The following MTMR3 variants were observed in gnomAD, a reference collection of about 807,000 sequenced individuals.
The protein encoded by MTMR3 is myotubularin related protein 3, also known as phosphatidylinositol-3,5-bisphosphate 3-phosphatase MTMR3.
In MTMR3, 32 loss-of-function variants were observed where a neutral mutation model predicts 132.4. The observed-to-expected ratio is 0.24, with a 90% confidence interval of 0.18 to 0.32. The LOEUF (loss-of-function observed/expected upper bound fraction) is 0.32, where lower values mean the gene tolerates loss of function less well. Ranked by LOEUF, MTMR3 falls within the 10% of genes least tolerant of loss-of-function variation. MTMR3 has a pLI of 1.00. For missense variants in MTMR3, 1,216 were observed against 1,489.6 expected (o/e 0.82, Z 3.02); for synonymous variants, 556 against 550.3 (o/e 1.01, Z -0.14).
chr22:29,899,168 C>G lies in MTMR3; in HGVS notation c.-138+15809C>G, dbSNP rs555061631. Among the ~76,000 whole-genome samples, 54 of 152,268 alleles carry G rather than the reference C, an allele frequency of 3.5e-4. 1 individual carries two copies. In the South Asian group the frequency reaches 0.011, roughly 30 times the overall value. On this transcript the variant is annotated intron_variant, in intron 1 of 19. Coordinates refer to ENST00000401950, the MANE Select transcript of MTMR3 (RefSeq NM_021090.4). The stretch of plus-strand genomic sequence containing the variant: ...TCCAACAAAGTTGTATACATGCATT[C>G]ATGGAGATGACACTTAGGCTATTTA...
intron 1 of MTMR3, among the ~76,000 whole-genome samples, chr22:29,925,558 T>TA (rs528978801): frequency 0.11 from 15,709 of 142,820 alleles, 1,122 homozygotes; most frequent in African/African-American, 0.21. Flanking sequence ...TTGTTTTCTT[T>TA]AAAAAAAAAA....
Position 30,018,067 on chromosome 22 carries a change from G to A in MTMR3, c.1815G>A (p.Leu605=). The A allele has an allele frequency of 1.2e-6, 2 of 1,606,388 alleles. No individual in the cohort carries two copies. Among genetic ancestry groups the A allele is most frequent in the Middle Eastern group, 1.7e-4 (1 of 6,006 alleles). The change falls in exon 16 of 20, where the codon CTG becomes CTA. Residue 605 remains leucine (L), a synonymous_variant. Coordinates refer to ENST00000401950, the MANE Select transcript of MTMR3 (RefSeq NM_021090.4). ...GCACCAGCCCTGATGATCCCCCCCT[G>A]AGCCGGTGAGCCCAGGGTGATGCCA... ...APGTSPDDPP[L]SRLPKTRSYD...
At chr22:29,910,235 G>A (rs545436101) in intron 1 of MTMR3, among the ~76,000 whole-genome samples, 2 of 152,026 alleles carry the variant, frequency 1.3e-5, no homozygotes, top group Admixed American at 6.6e-5. Flanking sequence ...GTAGGTCATC[G>A]TTTAAAATCT....
At chr22:29,906,751 C>G (rs944485388) in intron 1 of MTMR3, among the ~76,000 whole-genome samples, 3 of 152,178 alleles carry the variant, frequency 2.0e-5, no homozygotes, top group African/African-American at 7.2e-5. Flanking sequence ...TCTACTCCCC[C>G]TTTCCCCATT....
chr22:29,963,928 A>G (rs1445687226), intron 2 of MTMR3, among the ~76,000 whole-genome samples: 3 of 151,946 alleles, frequency 2.0e-5, no homozygotes, highest in East Asian at 3.9e-4. Context: ...TAAATCTGCT[A>G]TAAACATGTA....
intron 3 of MTMR3, among the ~76,000 whole-genome samples, chr22:29,972,135 TTGA>T (rs1406234238): frequency 6.6e-6 from 1 of 152,242 alleles, no homozygotes; most frequent in African/African-American, 2.4e-5. Flanking sequence ...TACCTAAACA[TTGA>T]TGAACTTTTC....
intron 1 of MTMR3, among the ~76,000 whole-genome samples, chr22:29,916,940 C>T (rs1472583402): frequency 6.6e-6 from 1 of 152,122 alleles, no homozygotes; most frequent in East Asian, 1.9e-4. Flanking sequence ...CTCACTGCCC[C>T]CTGTAACTGC....
chr22:29,957,147 G>A (rs1003284272), intron 2 of MTMR3, 59 bp downstream of exon 2: 10 of 147,720 alleles, frequency 6.8e-5, no homozygotes, highest in African/African-American at 2.5e-4. Context: ...TCTCTGTGCT[G>A]TTTCGAGGCA....
intron 6 of MTMR3, chr22:29,990,609 C>T (rs567223142): frequency 6.6e-6 from 1 of 152,266 alleles, no homozygotes; most frequent in South Asian, 2.1e-4. Flanking sequence ...GAGACAGAGC[C>T]TCACTCTGTT....
intron 17 of MTMR3, 103 bp from the exon 18 acceptor site, chr22:30,021,926 C>G (rs370588680): frequency 1.2e-6 from 1 of 858,426 alleles, no homozygotes; most frequent in Non-Finnish European, 1.9e-6. Flanking sequence ...TCCTAGCACT[C>G]GGCCCCACCC....
chr22:30,018,640 G>T (rs1449019786), intron 16 of MTMR3: 3 of 152,226 alleles, frequency 2.0e-5, no homozygotes, highest in African/African-American at 7.3e-5. Flanking sequence ...TACTTGGGAG[G>T]TTGAGGCAGG....
At chr22:29,891,428 G>A (rs1230659364) in intron 1 of MTMR3, among the ~76,000 whole-genome samples, 3 of 150,300 alleles carry the variant, frequency 2.0e-5, no homozygotes, top group African/African-American at 7.3e-5. Context: ...ATATGTGTAT[G>A]TATAATATGT....
At position 29,929,323 on chromosome 22, in the gene MTMR3, A is replaced by G. The variant is rs183855445; in HGVS notation, c.-137-27713A>G. On this transcript the variant is annotated intron_variant, in intron 1 of 19. Transcript: ENST00000401950. ...AAACACTCATTTTTCCACCAGTGCCAGTACTTGAAATTAAGCAACATCTTA... is the reference window on the plus strand; with the variant it reads ...AAACACTCATTTTTCCACCAGTGCCGGTACTTGAAATTAAGCAACATCTTA... 4.5e-3 allele frequency among the ~76,000 whole-genome samples: 680 copies of G among 152,230 alleles called. 6 individuals are homozygous for G. Among genetic ancestry groups the G allele is most frequent in the African/African-American group, 0.015 (641 of 41,528 alleles).
At chr22:29,986,743 A>G in intron 5 of MTMR3, 1 of 267,120 alleles carries the variant, frequency 3.7e-6, no homozygotes, top group Non-Finnish European at 5.8e-6. Flanking sequence ...AGCTTACCGC[A>G]GTCTCTGCCT....
At chr22:30,004,549 CCT>C (rs2067237282) in intron 9 of MTMR3, 2 of 152,126 alleles carry the variant, frequency 1.3e-5, no homozygotes, top group African/African-American at 4.8e-5. Flanking sequence ...GTTTTCCCCC[CCT>C]TTTTCTAGAG....
chr22:30,029,750 A>C lies in MTMR3; in HGVS notation c.*3949A>C, dbSNP rs2067978287. 1 of 152,386 alleles carries C rather than the reference A, an allele frequency of 6.6e-6. No homozygotes were observed. The highest frequency in any genetic ancestry group is 6.5e-5 in the Admixed American group (1 of 15,288). The allele number at this position is 152,386 out of a possible 1,614,324, so 9.4% of individuals were successfully genotyped here. A position where few individuals can be genotyped will look rare whatever the true frequency, so the allele number is the denominator to read the frequency against. ...ACCTGATTGCAGTAGGTGAGGGCTA[A>C]CAGCAGAATTTAAAGTGGACCCTGG... On this transcript the variant is annotated 3_prime_UTR_variant, in exon 20 of 20. Coordinates refer to ENST00000401950, the MANE Select transcript of MTMR3 (RefSeq NM_021090.4).
chr22:29,909,281 A>G (rs901086922), intron 1 of MTMR3, among the ~76,000 whole-genome samples: 1 of 152,066 alleles, frequency 6.6e-6, no homozygotes, highest in African/African-American at 2.4e-5. Flanking sequence ...CTACTCCCCC[A>G]ACCCCCAGTG....
chr22:30,018,102 C>T (rs11705418), intron 16 of MTMR3, 30 bp downstream of exon 16: 144,358 of 1,570,530 alleles, frequency 0.092, 7,113 homozygotes, highest in South Asian at 0.12. Context: ...ACAGGCCTGA[C>T]AGCCTGTGTG....
intron 1 of MTMR3, among the ~76,000 whole-genome samples, chr22:29,896,088 T>C (rs2064889619): frequency 6.6e-6 from 1 of 152,166 alleles, no homozygotes; most frequent in Admixed American, 6.6e-5. Flanking sequence ...GGTGGGCAGA[T>C]CACTTGAGGC....
Sources: allele counts gnomAD v4.1 joint callset (sites outside exome capture counted in the v4.1 genomes callset), GRCh38; gene constraint gnomAD v4.1.1; transcripts MANE v1.5; gene names NCBI Gene and HGNC (gene_info 2026-07-23, HGNC 2026-07-21).